The following SMAD2 variants were observed in gnomAD, a reference collection of about 807,000 sequenced individuals.
SMAD2 encodes SMAD family member 2.
In SMAD2, 8 loss-of-function variants were observed where a neutral mutation model predicts 64.4. The observed-to-expected ratio is 0.12, with a 90% CI of 0.07 to 0.22. The LOEUF (loss-of-function observed/expected upper bound fraction) is 0.22. Ranked by LOEUF, SMAD2 falls within the 10% of genes least tolerant of loss-of-function variation. The probability of loss-of-function intolerance (pLI) is 1.00; values close to 1 mark genes in which losing one functional copy is unlikely to be tolerated. For synonymous variants in SMAD2, 203 were observed against 195.8 expected, an observed-to-expected ratio of 1.04 and a Z score of -0.31; for missense variants, 289 against 561.2, an observed-to-expected ratio of 0.51 and a Z score of 4.90.
chr18:47,927,814 G>T (rs558651658), intron 1 of SMAD2, among the ~76,000 whole-genome samples: 1 of 152,302 alleles, frequency 6.6e-6, no homozygotes, highest in East Asian at 1.9e-4. Flanking sequence ...CAGGAGAAGC[G>T]CTTGAACCCA....
At chr18:47,855,415 T>C (rs1467771127) in intron 6 of SMAD2, among the ~76,000 whole-genome samples, 1 of 152,186 alleles carries the variant, frequency 6.6e-6, no homozygotes, top group Non-Finnish European at 1.5e-5. Context: ...AGAATATAGT[T>C]AGTTTTGTGA....
chr18:47,886,782 GT>G (rs1304661074), intron 2 of SMAD2: 3 of 160,582 alleles, frequency 1.9e-5, no homozygotes, highest in African/African-American at 7.2e-5. Context: ...CAAAGTCAGA[GT>G]TAAAAGTTGG....
At chr18:47,923,235 A>C (rs2034635121) in intron 1 of SMAD2, among the ~76,000 whole-genome samples, 2 of 151,796 alleles carry the variant, frequency 1.3e-5, no homozygotes, top group Admixed American at 1.3e-4. Context: ...TCAAATCAGC[A>C]CAAATATAAA....
rs971600866 is a variant in SMAD2 at position 47,821,159 on chromosome 18, A to G, written c.*20668T>C. ...AGATGGTCATTTCATTTCTTGAGGT[A>G]GAGTTTTCTTCTTGAAGATCCTGAT... On this transcript the variant is annotated 3_prime_UTR_variant, in exon 11 of 11. Transcript: ENST00000262160. 6.6e-6 allele frequency: 1 copy of G among 152,126 alleles called. No individual in the cohort carries two copies. The highest frequency in any genetic ancestry group is 2.4e-5 in the African/African-American group (1 of 41,426). The allele number at this position is 152,126 out of a possible 1,614,324, so 9.4% of individuals were successfully genotyped here.
rs1403446419 is a variant in SMAD2, at chr18:47,868,581, C to A, written c.521-124G>T. ...TTTTTAAAGCTAGGGTCCACCTACT[C>A]GATATATACTAGTTACTGAGAAAAT... On this transcript the variant is annotated intron_variant, in intron 4 of 10. Transcript: ENST00000262160. 5.6e-6 allele frequency: 4 copies of A among 720,054 alleles called. No homozygotes were observed. The Admixed American group carries it at 6.1e-5, about 11-fold the overall frequency. 44.6% of individuals were successfully genotyped at this position (720,054 alleles called of 1,614,324 possible).
intron 1 of SMAD2, among the ~76,000 whole-genome samples, chr18:47,918,205 G>C (rs1484342516): frequency 1.7e-4 from 26 of 152,160 alleles, no homozygotes; most frequent in Admixed American, 1.7e-3. Flanking sequence ...CTGCAAAGGG[G>C]AAAACAAAAT....
intron 2 of SMAD2, among the ~76,000 whole-genome samples, chr18:47,874,314 G>A (rs1015770635): frequency 7.2e-5 from 11 of 151,894 alleles, no homozygotes; most frequent in African/African-American, 2.7e-4. Context: ...GAACACTAAA[G>A]TATCTACACT....
At chr18:47,859,116 T>C (rs1020914121) in intron 6 of SMAD2, among the ~76,000 whole-genome samples, 1 of 152,152 alleles carries the variant, frequency 6.6e-6, no homozygotes. Context: ...ATGCATTTTA[T>C]AATTAGGGCA....
At position 47,836,069 on chromosome 18, in the gene SMAD2, G is replaced by A. The variant is rs775545797; in HGVS notation, c.*5758C>T. The A allele has an allele frequency of 6.1e-5, 13 of 214,726 alleles. No individual in the cohort carries two copies. The highest frequency in any genetic ancestry group is 1.0e-4 in the Non-Finnish European group (11 of 106,894). The allele number at this position is 214,726 out of a possible 1,614,324, so 13.3% of individuals were successfully genotyped here. On this transcript the variant is annotated 3_prime_UTR_variant, in exon 11 of 11. Transcript: ENST00000262160. ...TGGCACCAAACCAACTGGCACTGAA[G>A]TTAAGTTAATATACTCCAGCGAGAT...
intron 3 of SMAD2, among the ~76,000 whole-genome samples, chr18:47,870,057 A>C (rs1363227224): frequency 1.3e-5 from 2 of 151,344 alleles, no homozygotes; most frequent in African/African-American, 2.4e-5. Context: ...AAATGAGTTA[A>C]CCTACTGTTA....
At position 47,812,560 on chromosome 18, in the gene SMAD2, T is replaced by C. The variant is rs1912238825; in HGVS notation, c.*29267A>G. 6.6e-6 allele frequency: 1 copy of C among 152,036 alleles called. No individual in the cohort carries two copies. The highest frequency in any genetic ancestry group is 2.4e-5 in the African/African-American group (1 of 41,390). The allele number at this position is 152,036 out of a possible 1,614,324, so 9.4% of individuals were successfully genotyped here. ...AACTACCATTTATAAAACCATCAGA[T>C]CCTGTGAGAATTCACTATCATGAGA... On this transcript the variant is annotated 3_prime_UTR_variant, in exon 11 of 11. Transcript: ENST00000262160.
At chr18:47,842,048 T>C (rs1381326262) in intron 10 of SMAD2, 98 bp from the exon 11 acceptor site, 2 of 1,348,608 alleles carry the variant, frequency 1.5e-6, no homozygotes, top group Non-Finnish European at 2.1e-6. Flanking sequence ...TTTACAGAAA[T>C]TAAAAGGTTG....
intron 1 of SMAD2, among the ~76,000 whole-genome samples, chr18:47,909,216 G>A (rs1206852055): frequency 3.9e-5 from 6 of 152,272 alleles, no homozygotes; most frequent in African/African-American, 4.8e-5. Context: ...AAAGAAAGGC[G>A]TACCTATAGA....
intron 1 of SMAD2, among the ~76,000 whole-genome samples, chr18:47,904,804 T>C (rs1260843176): frequency 6.6e-6 from 1 of 152,156 alleles, no homozygotes; most frequent in Non-Finnish European, 1.5e-5. Context: ...AAAAAAGGTA[T>C]CTGAAAATGT....
In SMAD2 at chr18:47,841,241, A is replaced by G. The variant is rs1913925425; in HGVS notation, c.*586T>C. On this transcript the variant is annotated 3_prime_UTR_variant, in exon 11 of 11. Transcript: ENST00000262160. ...GGTCAAGGATTTCAAAAGTTAATCC[A>G]CTTTTCTTCCCCCAAGAGTTTATTT... 4.3e-6 allele frequency: 1 copy of G among 233,366 alleles called. No individual in the cohort carries two copies. The highest frequency in any genetic ancestry group is 1.8e-4 in the South Asian group (1 of 5,550). 14.5% of individuals were successfully genotyped at this position (233,366 alleles called of 1,614,324 possible). A position where few individuals can be genotyped will look rare whatever the true frequency, so the allele number is the denominator to read the frequency against.
Position 47,838,394 on chromosome 18 carries a change from A to G in SMAD2, c.*3433T>C, listed in dbSNP as rs1437798854. On this transcript the variant is annotated 3_prime_UTR_variant, in exon 11 of 11. Transcript: ENST00000262160. ...CCTGAGGAAAAAAAACACAACCTCT[A>G]CAAGACCAAGCACAGCTCAAGGGTC... 2.6e-5 allele frequency: 6 copies of G among 233,190 alleles called. No individual in the cohort carries two copies. The highest frequency in any genetic ancestry group is 4.4e-5 in the African/African-American group (2 of 45,336). 14.4% of individuals were successfully genotyped at this position (233,190 alleles called of 1,614,324 possible).
intron 1 of SMAD2, among the ~76,000 whole-genome samples, chr18:47,907,962 T>G (rs1261115495): frequency 1.3e-5 from 2 of 152,174 alleles, no homozygotes; most frequent in African/African-American, 4.8e-5. Context: ...AACTGAACAT[T>G]TGAAGTCTGT....
chr18:47,835,512 G>A lies in SMAD2; in HGVS notation c.*6315C>T, dbSNP rs141085648. ...ACAAATGTTTTCTTAGGGACTTACT[G>A]AGAAAAGAAAAAACTTACTGGGAGA... On this transcript the variant is annotated 3_prime_UTR_variant, in exon 11 of 11. Transcript: ENST00000262160. 7.2e-4 allele frequency: 141 copies of A among 195,358 alleles called. No individual in the cohort carries two copies. The highest frequency in any genetic ancestry group is 3.0e-3 in the African/African-American group (128 of 43,316). The allele number at this position is 195,358 out of a possible 1,614,324, so 12.1% of individuals were successfully genotyped here.
chr18:47,869,397 T>A lies in SMAD2; in HGVS notation c.366A>T (p.Gly122=), dbSNP rs768668814. 6.8e-6 allele frequency: 11 copies of A among 1,611,216 alleles called. No individual in the cohort carries two copies. Among genetic ancestry groups the A allele is most frequent in the Non-Finnish European group, 9.3e-6 (11 of 1,179,458 alleles). Residue 122 remains glycine (G), a synonymous_variant, in exon 4 of 11, where the codon GGA becomes GGT. Coordinates refer to ENST00000262160, the MANE Select transcript of SMAD2 (RefSeq NM_005901.6). ...DGRLQVSHRK[G]LPHVIYCRLW... is the part of the protein sequence containing the mutation. ...ATCGGCAATATATAACATGTGGCAA[T>A]CCTTTTCGATGGGATACCTGGAGAC...
Sources: allele counts gnomAD v4.1 joint callset (sites outside exome capture counted in the v4.1 genomes callset), GRCh38; gene constraint gnomAD v4.1.1; transcripts MANE v1.5; gene names NCBI Gene and HGNC (gene_info 2026-07-23, HGNC 2026-07-21).